Variants in GRID2 observed in about 807,000 individuals in gnomAD.
The protein encoded by GRID2 is glutamate receptor ionotropic, delta-2.
A neutral mutation model predicts 114.8 loss-of-function variants in GRID2; 33 were observed. The observed-to-expected ratio is 0.29, with a 90% CI of 0.22 to 0.38. The LOEUF (loss-of-function observed/expected upper bound fraction) is 0.38, where lower values mean the gene tolerates loss of function less well. GRID2 is among the 10% of genes least tolerant of loss of function. The pLI, the probability that GRID2 is intolerant of heterozygous loss-of-function variation, is 1.00. For synonymous variants in GRID2, 505 were observed against 449.9 expected, an observed-to-expected ratio of 1.12 and a Z score of -1.55; for missense variants, 1,184 against 1,257.7, an observed-to-expected ratio of 0.94 and a Z score of 0.89.
intron 2 of GRID2, among the ~76,000 whole-genome samples, chr4:92,686,139 T>C (rs1457847606): frequency 6.6e-6 from 1 of 152,014 alleles, no homozygotes; most frequent in African/African-American, 2.4e-5. Flanking sequence ...AACAGTAAGA[T>C]TAACATTGTA....
intron 13 of GRID2, among the ~76,000 whole-genome samples, chr4:93,574,984 A>G (rs1236184049): frequency 6.6e-6 from 1 of 152,078 alleles, no homozygotes; most frequent in Non-Finnish European, 1.5e-5. Flanking sequence ...GGCTAGAATA[A>G]CTGATTCTAG....
intron 1 of GRID2, among the ~76,000 whole-genome samples, chr4:92,330,440 AG>A (rs1414040869): frequency 6.6e-6 from 1 of 152,130 alleles, no homozygotes; most frequent in Non-Finnish European, 1.5e-5. Context: ...AATGTCCACA[AG>A]GCACAGATTA....
chr4:93,279,957 G>A (rs1196890016), intron 8 of GRID2, among the ~76,000 whole-genome samples: 1 of 151,922 alleles, frequency 6.6e-6, no homozygotes, highest in Non-Finnish European at 1.5e-5. Flanking sequence ...ACAGGTTTTT[G>A]TGAGTGTAAA....
At chr4:92,622,270 G>A in intron 2 of GRID2, among the ~76,000 whole-genome samples, 1 of 151,616 alleles carries the variant, frequency 6.6e-6, no homozygotes, top group East Asian at 1.9e-4. Flanking sequence ...TACTAAAAAG[G>A]TCACAATTTT....
intron 8 of GRID2, among the ~76,000 whole-genome samples, chr4:93,328,532 G>A (rs1758087364): frequency 6.6e-6 from 1 of 152,064 alleles, no homozygotes; most frequent in Non-Finnish European, 1.5e-5. Flanking sequence ...TTATACATAT[G>A]AGTCCTTTAT....
At chr4:92,757,115 T>A (rs1371301949) in intron 2 of GRID2, among the ~76,000 whole-genome samples, 1 of 152,108 alleles carries the variant, frequency 6.6e-6, no homozygotes, top group Non-Finnish European at 1.5e-5. Flanking sequence ...GTCATTTTAG[T>A]GGATTATTGT....
intron 14 of GRID2, among the ~76,000 whole-genome samples, chr4:93,688,965 A>C (rs145059401): frequency 2.6e-5 from 4 of 152,164 alleles, no homozygotes; most frequent in Non-Finnish European, 5.9e-5. Context: ...TCAGAATATG[A>C]CTGTATTTAA....
chr4:93,304,813 C>A (rs1283333117), intron 8 of GRID2, among the ~76,000 whole-genome samples: 1 of 152,000 alleles, frequency 6.6e-6, no homozygotes. Flanking sequence ...TAGAGGATAC[C>A]ATTTTACTGG....
chr4:92,889,797 C>A (rs1012741730), intron 2 of GRID2, among the ~76,000 whole-genome samples: 16 of 152,030 alleles, frequency 1.1e-4, no homozygotes, highest in Non-Finnish European at 2.4e-4. Context: ...AAAAAAGAGC[C>A]CATATAGCCA....
At chr4:92,872,646 A>C (rs1745357882) in intron 2 of GRID2, among the ~76,000 whole-genome samples, 1 of 152,322 alleles carries the variant, frequency 6.6e-6, no homozygotes. Context: ...CAAGAGGCTT[A>C]AGGAAGAGGT....
chr4:92,347,750 A>G (rs1434604162), intron 1 of GRID2, among the ~76,000 whole-genome samples: 1 of 152,140 alleles, frequency 6.6e-6, no homozygotes, highest in Non-Finnish European at 1.5e-5. Flanking sequence ...TATAAATAAG[A>G]GGCTTAGCTT....
At chr4:93,628,767 CTTT>C (rs377083909) in intron 14 of GRID2, among the ~76,000 whole-genome samples, 4 of 136,946 alleles carry the variant, frequency 2.9e-5, no homozygotes, top group Non-Finnish European at 3.2e-5. Flanking sequence ...GATTTTCTGG[CTTT>C]TTTTTTTTTT....
chr4:93,749,154 G>C (rs1732100081), intron 14 of GRID2, among the ~76,000 whole-genome samples: 1 of 152,160 alleles, frequency 6.6e-6, no homozygotes, highest in Admixed American at 6.6e-5. Context: ...GAAAGAAGAA[G>C]AGAGAATATG....
intron 1 of GRID2, among the ~76,000 whole-genome samples, chr4:92,412,117 C>CTGTGTGTGTG (rs60674952): frequency 2.8e-5 from 4 of 143,428 alleles, no homozygotes; most frequent in Admixed American, 1.4e-4. Context: ...TTTTTTGTGC[C>CTGTGTGTGTG]TGTGTGTGTG....
intron 1 of GRID2, among the ~76,000 whole-genome samples, chr4:92,349,009 C>CTT (rs34971419): frequency 4.7e-5 from 7 of 147,430 alleles, no homozygotes; most frequent in Non-Finnish European, 7.5e-5. Flanking sequence ...TACTAGAGTG[C>CTT]TTTTTTTTTT....
chr4:92,709,589 A>ATATATATATAT (rs1553919234), intron 2 of GRID2, among the ~76,000 whole-genome samples: 15 of 114,638 alleles, frequency 1.3e-4, no homozygotes, highest in South Asian at 3.2e-4. Context: ...AAAAAAAAAA[A>ATATATATATAT]ATATATATAT....
intron 2 of GRID2, among the ~76,000 whole-genome samples, chr4:92,600,115 G>A (rs929570661): frequency 4.2e-5 from 6 of 141,798 alleles, no homozygotes; most frequent in Admixed American, 2.9e-4. Flanking sequence ...TTAGGGGAGG[G>A]TGTAGGTGGG....
At chr4:92,703,645 A>ATATATATATATATATATAT (rs1734794212) in intron 2 of GRID2, among the ~76,000 whole-genome samples, 3 of 146,386 alleles carry the variant, frequency 2.0e-5, no homozygotes, top group African/African-American at 7.5e-5. Context: ...ATATATATAT[A>ATATATATATATATATATAT]AAATCATGAG....
At chr4:93,099,746 C>T (rs1311360818) in intron 3 of GRID2, among the ~76,000 whole-genome samples, 3 of 151,796 alleles carry the variant, frequency 2.0e-5, no homozygotes, top group Admixed American at 1.3e-4. Context: ...CACTCTTCAC[C>T]GTATCACTCT....
Sources: gnomAD v4.1 joint callset for allele counts (sites outside exome capture counted in the v4.1 genomes callset) on GRCh38, gnomAD v4.1.1 for gene constraint, MANE v1.5 for transcripts, NCBI Gene and HGNC (gene_info 2026-07-23, HGNC 2026-07-21) for gene names.